EIF4E2: variants seen among roughly 807,000 people sequenced by gnomAD.
The protein encoded by EIF4E2 is eukaryotic translation initiation factor 4E type 2.
A neutral mutation model predicts 34.2 loss-of-function variants in EIF4E2; 13 were observed. The observed-to-expected ratio is 0.38, with a 90% CI of 0.25 to 0.60. The LOEUF is 0.60. Among genes scored for constraint, EIF4E2 ranks in the 20% least tolerant of loss-of-function variants. The probability of loss-of-function intolerance (pLI) is 0.62; values close to 1 mark genes in which losing one functional copy is unlikely to be tolerated. For synonymous variants in EIF4E2, 100 were observed against 106.6 expected (o/e 0.94, Z 0.38); for missense variants, 222 against 315.1 (o/e 0.70, Z 2.24).
intron 6 of EIF4E2, among the ~76,000 whole-genome samples, chr2:232,578,588 G>A (rs1339217227): frequency 1.3e-5 from 2 of 150,776 alleles, no homozygotes; most frequent in Non-Finnish European, 2.9e-5. Flanking sequence ...CTGAGATTGT[G>A]CCACTGCACT....
chr2:232,573,457 T>C (rs1289993385), downstream of EIF4E2, among the ~76,000 whole-genome samples: 1 of 152,152 alleles, frequency 6.6e-6, no homozygotes, highest in Non-Finnish European at 1.5e-5. Context: ...CTGAGAAAAC[T>C]TGAGTTTGAG....
intron 6 of EIF4E2, among the ~76,000 whole-genome samples, chr2:232,575,724 T>C (rs1044068540): frequency 3.3e-5 from 5 of 152,198 alleles, no homozygotes; most frequent in Non-Finnish European, 7.3e-5. Context: ...AGTAGATAAA[T>C]CATTGATTTT....
chr2:232,556,895 C>G (rs1442317321), intron 2 of EIF4E2, among the ~76,000 whole-genome samples: 3 of 152,098 alleles, frequency 2.0e-5, no homozygotes, highest in Non-Finnish European at 4.4e-5. Flanking sequence ...GTGAAAGTGA[C>G]TTGGAAAAGG....
downstream of EIF4E2, chr2:232,569,317 G>A (rs946925100): frequency 4.8e-5 from 52 of 1,090,952 alleles, no homozygotes; most frequent in East Asian, 3.2e-4. Flanking sequence ...AGGGCCATCC[G>A]GGGAATGCAG....
intron 3 of EIF4E2, chr2:232,558,854 T>TG (rs1408614976): frequency 1.5e-5 from 2 of 135,364 alleles, no homozygotes; most frequent in African/African-American, 5.9e-5. Flanking sequence ...ATTGCTTTTG[T>TG]GGGTACTGGC....
Position 232,581,139 on chromosome 2 carries a change from G to A in EIF4E2, c.*196G>A, listed in dbSNP as rs1274520717. On this transcript the variant is annotated 3_prime_UTR_variant, in exon 7 of 7. Coordinates refer to the EIF4E2 transcript ENST00000409098. This position sits in a 1 kb window ranked among gnomAD's most constrained non-coding sequence, Gnocchi z 5.2. ...CGCTGACTTTATAAAGCGGAAAAAC[G>A]GAAAACGTGACTTTGTAATAGACAA... is the stretch of plus-strand genomic sequence containing the variant. The A allele has an allele frequency of 4.2e-6, 3 of 713,042 alleles. No individual in the cohort carries two copies. Among genetic ancestry groups the A allele is most frequent in the African/African-American group, 1.8e-5 (1 of 57,130 alleles). 44.2% of individuals were successfully genotyped at this position (713,042 alleles called of 1,614,324 possible).
In EIF4E2 at chr2:232,566,727, TG is replaced by T; in HGVS notation, c.376-101del. Reference sequence around the variant, plus strand: ...AGAGTTGAATAATTGGAAAGTGATATGACTTCTTAGTGTTTAAGAGATTCTT... The same window carrying T: ...AGAGTTGAATAATTGGAAAGTGATATACTTCTTAGTGTTTAAGAGATTCTT... On this transcript the variant is annotated intron_variant, in intron 4 of 6. Coordinates refer to ENST00000258416, the MANE Select transcript of EIF4E2 (RefSeq NM_004846.4). This position sits in a 1 kb window ranked among gnomAD's most constrained non-coding sequence, Gnocchi z 4.9. 7.6e-7 allele frequency: 1 copy of T among 1,311,432 alleles called. No individual in the cohort carries two copies. The highest frequency in any genetic ancestry group is 1.4e-5 in the South Asian group (1 of 73,212). The allele number at this position is 1,311,432 out of a possible 1,614,324, so 81.2% of individuals were successfully genotyped here. A position where few individuals can be genotyped will look rare whatever the true frequency, so the allele number is the denominator to read the frequency against.
intron 2 of EIF4E2, among the ~76,000 whole-genome samples, chr2:232,557,205 A>C (rs1413099689): frequency 6.6e-6 from 1 of 152,252 alleles, no homozygotes; most frequent in East Asian, 1.9e-4. Flanking sequence ...AGGTCGCGCC[A>C]CTGCACTCCA....
intron 6 of EIF4E2, chr2:232,574,233 C>T: frequency 1.3e-6 from 2 of 1,545,912 alleles, no homozygotes; most frequent in Non-Finnish European, 8.8e-7. Flanking sequence ...TCTGAATGTG[C>T]TATTGTGTTT....
At chr2:232,556,602 C>A in intron 2 of EIF4E2, 72 bp downstream of exon 2, 2 of 1,107,816 alleles carry the variant, frequency 1.8e-6, no homozygotes, top group Non-Finnish European at 2.7e-6. Flanking sequence ...ATCTGTTTAT[C>A]TGGAAGATAC....
chr2:232,577,010 T>C lies in EIF4E2; in HGVS notation c.666-3894T>C, dbSNP rs143040046. 7.8e-4 allele frequency among the ~76,000 whole-genome samples: 119 copies of C among 152,356 alleles called. 1 individual carries two copies. Among genetic ancestry groups the C allele is most frequent in the African/African-American group, 2.8e-3 (115 of 41,576 alleles). ...TCATTTGACTCCTGTTGGAAATAAG[T>C]GTTGCCCTTTTAACTATGACTTCAG... On this transcript the variant is annotated intron_variant, in intron 6 of 6. Transcript: ENST00000409098.
chr2:232,560,444 C>G (rs1692681967), intron 3 of EIF4E2, among the ~76,000 whole-genome samples: 1 of 152,172 alleles, frequency 6.6e-6, no homozygotes, highest in Non-Finnish European at 1.5e-5. Context: ...TTAGGCAAAG[C>G]CTTCTTAAGT....
exon 7 of EIF4E2, chr2:232,582,757 T>G (rs1693389421): frequency 6.6e-6 from 1 of 152,006 alleles, no homozygotes; most frequent in Non-Finnish European, 1.5e-5. Flanking sequence ...TGCTTAGGAG[T>G]GAGTGAGTGG....
chr2:232,555,113 T>C (rs910977221), intron 1 of EIF4E2, among the ~76,000 whole-genome samples: 64 of 152,162 alleles, frequency 4.2e-4, no homozygotes, highest in African/African-American at 1.5e-3. Context: ...TTGGATACTT[T>C]TAATGTACTA....
intron 3 of EIF4E2, among the ~76,000 whole-genome samples, chr2:232,560,663 A>G (rs539172716): frequency 2.9e-4 from 44 of 152,312 alleles, no homozygotes; most frequent in Non-Finnish European, 4.0e-4. Context: ...CGCTATCAAG[A>G]AAGTGAAAAG....
intron 2 of EIF4E2, among the ~76,000 whole-genome samples, chr2:232,557,054 G>A (rs796756650): frequency 3.9e-5 from 6 of 152,290 alleles, no homozygotes; most frequent in African/African-American, 1.4e-4. Context: ...AGACCATCCT[G>A]GCCAACATGG....
Position 232,569,086 on chromosome 2 carries a change from G to A in EIF4E2, c.*69G>A. 1 of 1,586,122 alleles carries A rather than the reference G, an allele frequency of 6.3e-7. No homozygotes were observed. On this transcript the variant is annotated 3_prime_UTR_variant, in exon 7 of 7. Transcript: ENST00000258416. The stretch of plus-strand genomic sequence containing the variant: ...TCGGAGTCTCTTGTTCTGTTGGCGT[G>A]CTACCTGGAAGATCCTTCTGTCCTG...
downstream of EIF4E2, among the ~76,000 whole-genome samples, chr2:232,572,662 G>C (rs960790920): frequency 6.6e-6 from 1 of 152,178 alleles, no homozygotes; most frequent in Non-Finnish European, 1.5e-5. Context: ...GTGCCCGGCT[G>C]TGAGGAAATT....
At chr2:232,576,673 C>T (rs1693229924) in intron 6 of EIF4E2, among the ~76,000 whole-genome samples, 1 of 152,212 alleles carries the variant, frequency 6.6e-6, no homozygotes, top group Non-Finnish European at 1.5e-5. Flanking sequence ...AATCCACTCA[C>T]TTCATTGTCT....
Sources: gnomAD v4.1 joint callset for allele counts (sites outside exome capture counted in the v4.1 genomes callset) on GRCh38, gnomAD v4.1.1 for gene constraint, Gnocchi (gnomAD v3.1) non-coding constraint, MANE v1.5 for transcripts, NCBI Gene and HGNC (gene_info 2026-07-23, HGNC 2026-07-21) for gene names.